CACNA1E: variants seen among roughly 807,000 people sequenced by gnomAD.
CACNA1E encodes voltage-dependent R-type calcium channel subunit alpha-1E.
A neutral mutation model predicts 259.2 loss-of-function variants in CACNA1E; 40 were observed. The ratio of observed to expected loss-of-function variants is 0.15; its 90% CI spans 0.12 to 0.20. CACNA1E has a LOEUF of 0.20. CACNA1E is among the 10% of genes least tolerant of loss of function. CACNA1E has a pLI of 1.00. For missense variants in CACNA1E, 1,874 were observed against 3,040.1 expected, an observed-to-expected ratio of 0.62 and a Z score of 9.02; for synonymous variants, 1,104 against 1,138.5, an observed-to-expected ratio of 0.97 and a Z score of 0.61.
rs544856743 is a variant in CACNA1E, at chr1:181,358,380, G to T, written c.-15+40257G>T. 3.3e-5 allele frequency among the ~76,000 whole-genome samples: 5 copies of T among 152,282 alleles called. 1 individual carries two copies. The East Asian group carries it at 5.8e-4, about 18-fold the overall frequency. On this transcript the variant is annotated intron_variant, in intron 1 of 11. Coordinates refer to the CACNA1E transcript ENST00000524607. ...AAGATCACACACTCAGTTTTGTTTT[G>T]CTGGAAGATGCAACAATGAGATTTG...
At chr1:181,562,444 C>T (rs1319090691) in intron 3 of CACNA1E, among the ~76,000 whole-genome samples, 1 of 152,108 alleles carries the variant, frequency 6.6e-6, no homozygotes, top group Non-Finnish European at 1.5e-5. Context: ...GTCATCATCC[C>T]TTGCCTTTTT....
intron 30 of CACNA1E, 137 bp downstream of exon 30, chr1:181,757,263 C>G (rs928428577): frequency 1.5e-6 from 1 of 654,930 alleles, no homozygotes. Flanking sequence ...AGTAACTATT[C>G]AGCCATTAAA....
At chr1:181,692,216 G>A (rs1041438919) in intron 7 of CACNA1E, among the ~76,000 whole-genome samples, 2 of 152,130 alleles carry the variant, frequency 1.3e-5, no homozygotes, top group African/African-American at 2.4e-5. Flanking sequence ...GGAAGAGTCA[G>A]TATTGTTAAA....
At chr1:181,721,632 C>A in intron 15 of CACNA1E, 126 bp from the exon 16 acceptor site, 3 of 518,934 alleles carry the variant, frequency 5.8e-6, no homozygotes, top group Non-Finnish European at 7.0e-6. Context: ...TTTTTTAACT[C>A]CCTGGCAAGA....
intron 7 of CACNA1E, among the ~76,000 whole-genome samples, chr1:181,674,223 C>CAAAAAAAAAAA (rs58198967): frequency 1.1e-5 from 1 of 88,448 alleles, no homozygotes; most frequent in African/African-American, 3.8e-5. Context: ...ACTAAAAATA[C>CAAAAAAAAAAA]AAAAAAAAAA....
At position 181,561,701 on chromosome 1, in the gene CACNA1E, T is replaced by A. The variant is rs139624378; in HGVS notation, c.513-16065T>A. Among the ~76,000 whole-genome samples the A allele has an allele frequency of 2.9e-3, 446 of 152,316 alleles. 1 individual carries two copies. The highest frequency in any genetic ancestry group is 5.3e-3 in the Non-Finnish European group (360 of 68,024). On this transcript the variant is annotated intron_variant, in intron 3 of 47. Coordinates refer to ENST00000367573, the MANE Select transcript of CACNA1E (RefSeq NM_001205293.3). ...ATTCACCAATCGAGGGACATTTCAG[T>A]TGTTTTCAGTTTGGGGCAATTATGA... is the stretch of plus-strand genomic sequence containing the variant.
At chr1:181,548,257 T>C (rs1193756540) in intron 3 of CACNA1E, among the ~76,000 whole-genome samples, 5 of 151,898 alleles carry the variant, frequency 3.3e-5, no homozygotes, top group African/African-American at 1.2e-4. Flanking sequence ...CTTGAGTAGC[T>C]GGGATTACAG....
chr1:181,322,467 C>G (rs892610865), intron 1 of CACNA1E, among the ~76,000 whole-genome samples: 1 of 152,178 alleles, frequency 6.6e-6, no homozygotes, highest in Non-Finnish European at 1.5e-5. Context: ...TTTTTACAAA[C>G]AGTTGTAACA....
Position 181,750,439 on chromosome 1 carries a change from T to C in CACNA1E, c.3720-37T>C, listed in dbSNP as rs141441184. 1.7e-4 allele frequency: 273 copies of C among 1,609,336 alleles called. No individual in the cohort carries two copies. The African/African-American group carries it at 2.5e-3, about 15-fold the overall frequency. On this transcript the variant is annotated intron_variant, in intron 25 of 47. Coordinates refer to ENST00000367573, the MANE Select transcript of CACNA1E (RefSeq NM_001205293.3). ...CCCCATTTTTTTGTTTTGTTTTATTTTGATTTTCTACTGCTCTCTGATTGG... is the reference window on the plus strand; with the variant it reads ...CCCCATTTTTTTGTTTTGTTTTATTCTGATTTTCTACTGCTCTCTGATTGG...
intron 6 of CACNA1E, among the ~76,000 whole-genome samples, chr1:181,597,142 C>T (rs1653257191): frequency 6.6e-6 from 1 of 152,150 alleles, no homozygotes; most frequent in Non-Finnish European, 1.5e-5. Flanking sequence ...TTTGGAAGAG[C>T]TTGCATGTTC....
At position 181,413,491 on chromosome 1, in the gene CACNA1E, CG is replaced by C; in HGVS notation, c.350del (p.Gly117AlafsTer123). 1 of 152,574 alleles carries C rather than the reference CG, an allele frequency of 6.6e-6. No homozygotes were observed. 9.5% of individuals were successfully genotyped at this position (152,574 alleles called of 1,614,324 possible). On this transcript the variant is annotated frameshift_variant, in exon 2 of 12. Coordinates refer to the CACNA1E transcript ENST00000524607. LOFTEE classifies it high-confidence loss of function. ...GCCCCGAGGTCATGAAGCGGCGGCG[CG>C]GGGGCCTCATCGAGCAGCGCGACAT...
chr1:181,785,495 G>A, intron 42 of CACNA1E, 77 bp downstream of exon 42: 1 of 1,056,642 alleles, frequency 9.5e-7, no homozygotes, highest in Non-Finnish European at 1.5e-6. Flanking sequence ...GCCTCCCTGG[G>A]GCATAGTGCC....
intron 1 of CACNA1E, among the ~76,000 whole-genome samples, chr1:181,382,642 C>G (rs1010257716): frequency 6.6e-6 from 1 of 152,180 alleles, no homozygotes; most frequent in Non-Finnish European, 1.5e-5. Flanking sequence ...TACTCCTTGA[C>G]CAACCACCTT....
Position 181,793,730 on chromosome 1 carries a change from C to CA in CACNA1E, c.5965dup (p.Thr1989AsnfsTer27). 1 of 1,611,612 alleles carries CA rather than the reference C, an allele frequency of 6.2e-7. No individual in the cohort carries two copies. Among genetic ancestry groups the CA allele is most frequent in the Non-Finnish European group, 8.5e-7 (1 of 1,179,356 alleles). The stretch of plus-strand genomic sequence containing the variant: ...ACCATGGCATCTACCTTCCTTCGGA[C>CA]ACCCAGGAGCATGCGGGATCTGGGA... On this transcript the variant is annotated frameshift_variant, in exon 45 of 48. Coordinates refer to ENST00000367573, the MANE Select transcript of CACNA1E (RefSeq NM_001205293.3). LOFTEE classifies it high-confidence loss of function.
intron 1 of CACNA1E, among the ~76,000 whole-genome samples, chr1:181,495,334 T>C (rs186469389): frequency 2.0e-5 from 3 of 152,364 alleles, no homozygotes; most frequent in African/African-American, 4.8e-5. Context: ...TCTGTCACTT[T>C]ATAGCTGTGT....
chr1:181,640,628 G>A (rs906364054), intron 6 of CACNA1E, among the ~76,000 whole-genome samples: 1 of 152,228 alleles, frequency 6.6e-6, no homozygotes, highest in Non-Finnish European at 1.5e-5. Context: ...TGGAAGCCAA[G>A]AAAAATGATT....
chr1:181,379,423 G>T (rs183932351), intron 1 of CACNA1E, among the ~76,000 whole-genome samples: 1 of 152,276 alleles, frequency 6.6e-6, no homozygotes, highest in Non-Finnish European at 1.5e-5. Context: ...TAATCAAATT[G>T]CATAATCAAG....
rs57287267 is a variant in CACNA1E at position 181,445,323 on chromosome 1, C to T, written c.434+31743C>T. Among the ~76,000 whole-genome samples, 1,072 of 152,274 alleles carry T rather than the reference C, an allele frequency of 7.0e-3. 16 individuals carry two copies. Among genetic ancestry groups the T allele is most frequent in the African/African-American group, 0.022 (904 of 41,542 alleles). On this transcript the variant is annotated intron_variant, in intron 2 of 11. Transcript: ENST00000524607. Reference sequence around the variant, plus strand: ...TCAAGATTTGTTTTTTCATATATTTCCAAGTCAACACTATTCCTGAGTGCC... The same window carrying T: ...TCAAGATTTGTTTTTTCATATATTTTCAAGTCAACACTATTCCTGAGTGCC...
chr1:181,336,033 G>A (rs1651685274), intron 1 of CACNA1E, among the ~76,000 whole-genome samples: 2 of 152,166 alleles, frequency 1.3e-5, no homozygotes, highest in Admixed American at 6.5e-5. Flanking sequence ...ATTTCAGACA[G>A]GTCTAATCAA....
Sources: gnomAD v4.1 joint callset for allele counts (sites outside exome capture counted in the v4.1 genomes callset) on GRCh38, gnomAD v4.1.1 for gene constraint, MANE v1.5 for transcripts, NCBI Gene and HGNC (gene_info 2026-07-23, HGNC 2026-07-21) for gene names.